Variants in ENPP6 observed in about 807,000 individuals in gnomAD.
ENPP6 encodes ectonucleotide pyrophosphatase/phosphodiesterase 6, also known as glycerophosphocholine cholinephosphodiesterase ENPP6.
A neutral mutation model predicts 42.0 loss-of-function variants in ENPP6; 32 were observed. The observed-to-expected ratio is 0.76, with a 90% CI of 0.58 to 1.02. The LOEUF is 1.02. ENPP6 is among the 50% of genes least tolerant of loss of function. The probability of loss-of-function intolerance (pLI) is 0.00; values close to 1 mark genes in which losing one functional copy is unlikely to be tolerated. For missense variants in ENPP6, 552 were observed against 566.8 expected, an observed-to-expected ratio of 0.97 and a Z score of 0.27; for synonymous variants, 213 against 216.0, an observed-to-expected ratio of 0.99 and a Z score of 0.12.
intron 1 of ENPP6, among the ~76,000 whole-genome samples, chr4:184,161,136 A>G (rs1010630298): frequency 6.6e-6 from 1 of 152,222 alleles, no homozygotes; most frequent in Admixed American, 6.5e-5. Context: ...AATCTTCTCA[A>G]TCTATACATC....
intron 2 of ENPP6, among the ~76,000 whole-genome samples, chr4:184,130,369 T>C (rs1406362219): frequency 1.3e-5 from 2 of 148,916 alleles, no homozygotes; most frequent in Non-Finnish European, 3.0e-5. Context: ...CCATCCTGGC[T>C]AACACGGTGA....
chr4:184,209,388 T>G (rs1364377289), intron 1 of ENPP6, among the ~76,000 whole-genome samples: 6 of 150,570 alleles, frequency 4.0e-5, no homozygotes, highest in Non-Finnish European at 4.4e-5. Flanking sequence ...GAGAAGTGCT[T>G]AAAGGAGCTG....
intron 1 of ENPP6, among the ~76,000 whole-genome samples, chr4:184,193,337 C>T (rs1732734505): frequency 6.6e-6 from 1 of 152,188 alleles, no homozygotes; most frequent in African/African-American, 2.4e-5. Flanking sequence ...CATGAACGAA[C>T]CTCAGAATCA....
intron 6 of ENPP6, among the ~76,000 whole-genome samples, chr4:184,109,451 G>A (rs1400939549): frequency 6.6e-6 from 1 of 152,124 alleles, no homozygotes; most frequent in Non-Finnish European, 1.5e-5. Context: ...GAAGCTTTGG[G>A]GGAGGGGTCA....
At chr4:184,154,897 T>C (rs1337421090) in intron 1 of ENPP6, among the ~76,000 whole-genome samples, 1 of 152,242 alleles carries the variant, frequency 6.6e-6, no homozygotes, top group African/African-American at 2.4e-5. Flanking sequence ...AGTTATTTTA[T>C]TTATTGTTTC....
At chr4:184,100,487 C>A (rs1284249712) in intron 6 of ENPP6, among the ~76,000 whole-genome samples, 2 of 152,158 alleles carry the variant, frequency 1.3e-5, no homozygotes, top group Non-Finnish European at 2.9e-5. Flanking sequence ...CACCTAGTGA[C>A]ATCCGGGGAG....
chr4:184,168,030 A>G (rs1418284477), intron 1 of ENPP6, among the ~76,000 whole-genome samples: 1 of 152,138 alleles, frequency 6.6e-6, no homozygotes, highest in African/African-American at 2.4e-5. Flanking sequence ...TTTTGAGTTA[A>G]AAACAGAAGG....
At chr4:184,191,549 G>T (rs1327397058) in intron 1 of ENPP6, among the ~76,000 whole-genome samples, 1 of 152,184 alleles carries the variant, frequency 6.6e-6, no homozygotes, top group Admixed American at 6.5e-5. Context: ...GGAGGGGGAA[G>T]CAGAAGCCCT....
intron 2 of ENPP6, among the ~76,000 whole-genome samples, chr4:184,149,634 C>G (rs1425405009): frequency 6.6e-6 from 1 of 152,198 alleles, no homozygotes; most frequent in African/African-American, 2.4e-5. Context: ...TCCAAGTCCT[C>G]CCTACTGCTT....
chr4:184,207,564 T>C (rs1324403909), intron 1 of ENPP6, among the ~76,000 whole-genome samples: 3 of 152,194 alleles, frequency 2.0e-5, no homozygotes, highest in Non-Finnish European at 4.4e-5. Context: ...TTTTCACTAG[T>C]TGATCCACAC....
chr4:184,159,395 T>G (rs1174649338), intron 1 of ENPP6, among the ~76,000 whole-genome samples: 1 of 152,160 alleles, frequency 6.6e-6, no homozygotes, highest in African/African-American at 2.4e-5. Flanking sequence ...TGTCTGTGCA[T>G]GAGCTAATAT....
Position 184,153,731 on chromosome 4 carries a change from G to T in ENPP6, c.244C>A (p.Arg82Ser). ...YPNYYTLMTGRHCEVHQMIGN... is the reference protein window; with the variant it reads ...YPNYYTLMTGSHCEVHQMIGN... ...ATCATCTGATGGACTTCACAATGGC[G>T]GCCTATGTCAATGAGAACACAGCTG... The change falls in exon 2 of 8, where the codon CGC (arginine) becomes AGC (serine). Residue 82 changes from arginine (R) to serine (S), a missense_variant and splice_region_variant. Around this residue, in one of 2 missense-constraint regions of ENPP6, gnomAD observed 545 missense variants for 546.3 expected, o/e 1.00. Transcript: ENST00000296741. 6.2e-7 allele frequency: 1 copy of T among 1,613,622 alleles called. No individual in the cohort carries two copies. The highest frequency in any genetic ancestry group is 8.5e-7 in the Non-Finnish European group (1 of 1,179,758).
At chr4:184,200,859 T>C (rs1357904350) in intron 1 of ENPP6, among the ~76,000 whole-genome samples, 3 of 152,194 alleles carry the variant, frequency 2.0e-5, no homozygotes, top group Admixed American at 6.5e-5. Context: ...GCTGCAGACA[T>C]GTACACACAT....
At position 184,099,473 on chromosome 4, in the gene ENPP6, C is replaced by T. The variant is rs553626676; in HGVS notation, c.994-2105G>A. On this transcript the variant is annotated intron_variant, in intron 6 of 7. Transcript: ENST00000296741. ...GACTGTGTGCTAAGTCCCTGACACA[C>T]AATAGGTGTTCAATAGGTGGCAACG... is the stretch of plus-strand genomic sequence containing the variant. Among the ~76,000 whole-genome samples the T allele has an allele frequency of 1.2e-3, 186 of 152,286 alleles. 1 individual carries two copies. In the South Asian group the frequency reaches 0.038, roughly 31 times the overall value.
rs779479752 is a variant in ENPP6 at position 184,097,252 on chromosome 4, G to A, written c.1110C>T (p.Phe370=). ...GGTCATTTCCTCGCCTACCAGGTCC[G>A]AAGGCCAGGAAGATGCCCCGCATGT... ...LMDMRGIFLA[F]GPDFKSNFRA... is the part of the protein sequence containing the mutation. Residue 370 remains phenylalanine, a synonymous_variant, in exon 7 of 8, where the codon TTC becomes TTT. Coordinates refer to ENST00000296741, the MANE Select transcript of ENPP6 (RefSeq NM_153343.4). 3.0e-5 allele frequency: 49 copies of A among 1,614,034 alleles called. No homozygotes were observed. Among genetic ancestry groups the A allele is most frequent in the Non-Finnish European group, 4.2e-5 (49 of 1,180,030 alleles).
In ENPP6 at chr4:184,126,615, T is replaced by C. The variant is rs146494158; in HGVS notation, c.422-2343A>G. Among the ~76,000 whole-genome samples, 420 of 152,300 alleles carry C rather than the reference T, an allele frequency of 2.8e-3. 4 individuals carry two copies. The highest frequency in any genetic ancestry group is 9.3e-3 in the African/African-American group (388 of 41,562). ...CATACATCAGAGTGGAAAGGGATCT[T>C]CCAACTTGCAGAAAGCTGTAGACAA... On this transcript the variant is annotated intron_variant, in intron 2 of 7. Transcript: ENST00000296741.
intron 6 of ENPP6, 45 bp from the exon 7 acceptor site, chr4:184,097,413 G>A: frequency 4.4e-6 from 7 of 1,607,366 alleles, no homozygotes; most frequent in Non-Finnish European, 5.9e-6. Flanking sequence ...TCCTGACCGT[G>A]GCGCTGAGCG....
chr4:184,119,183 A>T (rs142478709), intron 3 of ENPP6, among the ~76,000 whole-genome samples: 1 of 152,294 alleles, frequency 6.6e-6, no homozygotes, highest in South Asian at 2.1e-4. Context: ...GAAACTGATA[A>T]GATGAAAATT....
At chr4:184,167,277 G>A (rs1737364935) in intron 1 of ENPP6, among the ~76,000 whole-genome samples, 2 of 152,058 alleles carry the variant, frequency 1.3e-5, no homozygotes, top group South Asian at 2.1e-4. Context: ...CACCATGCCC[G>A]GCTAATTTTT....
Sources: allele counts gnomAD v4.1 joint callset (sites outside exome capture counted in the v4.1 genomes callset), GRCh38; gene constraint gnomAD v4.1.1; regional missense constraint gnomAD v4.1.1; transcripts MANE v1.5; gene names NCBI Gene and HGNC (gene_info 2026-07-23, HGNC 2026-07-21).